PRDM5: variants seen among roughly 807,000 people sequenced by gnomAD.
PRDM5 encodes the protein PR domain zinc finger protein 5.
Under a neutral mutation model 81.2 loss-of-function variants are expected in PRDM5, and 56 were observed. The observed-to-expected ratio is 0.69, with a 90% CI of 0.56 to 0.86. The LOEUF (loss-of-function observed/expected upper bound fraction) is 0.86, where lower values mean the gene tolerates loss of function less well. Among genes scored for constraint, PRDM5 ranks in the 40% least tolerant of loss-of-function variants. The pLI is 0.00. For synonymous variants in PRDM5, 267 were observed against 256.4 expected, an observed-to-expected ratio of 1.04 and a Z score of -0.39; for missense variants, 697 against 770.1, an observed-to-expected ratio of 0.91 and a Z score of 1.12.
At chr4:120,814,873 A>G (rs1463861055) in intron 7 of PRDM5, among the ~76,000 whole-genome samples, 1 of 152,222 alleles carries the variant, frequency 6.6e-6, no homozygotes, top group Admixed American at 6.5e-5. Context: ...TACACTTTAT[A>G]TGGTCCACAA....
In PRDM5 at chr4:120,777,183, C is replaced by T. The variant is rs1305626808; in HGVS notation, c.1537+5G>A. Reference sequence around the variant, plus strand: ...TTTTCACTAGTCTAATTACAATCTCCATACCTGTGTGGCTCCGGATATGAA... The same window carrying T: ...TTTTCACTAGTCTAATTACAATCTCTATACCTGTGTGGCTCCGGATATGAA... On this transcript the variant is annotated splice_donor_5th_base_variant and intron_variant, in intron 13 of 15. Coordinates refer to ENST00000264808, the MANE Select transcript of PRDM5 (RefSeq NM_018699.4). 1 of 1,613,276 alleles carries T rather than the reference C, an allele frequency of 6.2e-7. No homozygotes were observed. The highest frequency in any genetic ancestry group is 8.5e-7 in the Non-Finnish European group (1 of 1,179,418).
chr4:120,769,261 G>T (rs1746881482), intron 13 of PRDM5, among the ~76,000 whole-genome samples: 1 of 152,144 alleles, frequency 6.6e-6, no homozygotes, highest in Admixed American at 6.5e-5. Context: ...TCAGTTATGG[G>T]CATGGCCCTA....
At chr4:120,769,204 T>C (rs1367654953) in intron 13 of PRDM5, among the ~76,000 whole-genome samples, 1 of 152,222 alleles carries the variant, frequency 6.6e-6, no homozygotes, top group African/African-American at 2.4e-5. Context: ...CATTCACAAG[T>C]TCTCTTTCTA....
intron 2 of PRDM5, among the ~76,000 whole-genome samples, chr4:120,901,959 G>C (rs1032043349): frequency 1.3e-5 from 2 of 152,208 alleles, no homozygotes; most frequent in Non-Finnish European, 2.9e-5. Flanking sequence ...AAAAAGAGGA[G>C]AGTGAGGCAG....
chr4:120,730,185 AG>A (rs1335468526), intron 14 of PRDM5, among the ~76,000 whole-genome samples: 2 of 152,160 alleles, frequency 1.3e-5, no homozygotes, highest in Admixed American at 1.3e-4. Context: ...AAGCTACTTA[AG>A]CTCTCTAAGC....
chr4:120,758,841 T>C (rs1745177102), intron 13 of PRDM5, among the ~76,000 whole-genome samples: 1 of 151,764 alleles, frequency 6.6e-6, no homozygotes, highest in Non-Finnish European at 1.5e-5. Context: ...CTGCAAGCCC[T>C]GCCTCCCGGG....
At chr4:120,881,986 T>A (rs1762892804) in intron 2 of PRDM5, among the ~76,000 whole-genome samples, 1 of 152,208 alleles carries the variant, frequency 6.6e-6, no homozygotes, top group African/African-American at 2.4e-5. Context: ...CCTGTTGAAA[T>A]CATATGAAAA....
intron 2 of PRDM5, among the ~76,000 whole-genome samples, chr4:120,906,363 G>A (rs949667879): frequency 6.6e-6 from 1 of 152,134 alleles, no homozygotes; most frequent in Non-Finnish European, 1.5e-5. Flanking sequence ...TTACCGTCCA[G>A]GAGCAATAGG....
chr4:120,726,825 G>A (rs1240061441), intron 14 of PRDM5, among the ~76,000 whole-genome samples: 1 of 152,158 alleles, frequency 6.6e-6, no homozygotes, highest in African/African-American at 2.4e-5. Context: ...TTTGAGCCTA[G>A]TATTGCAAGA....
At chr4:120,789,850 C>A (rs1750319713) in intron 10 of PRDM5, among the ~76,000 whole-genome samples, 1 of 152,124 alleles carries the variant, frequency 6.6e-6, no homozygotes, top group African/African-American at 2.4e-5. Flanking sequence ...AAGTTAAAAG[C>A]ATGAAATTTA....
intron 13 of PRDM5, among the ~76,000 whole-genome samples, chr4:120,773,086 G>GT (rs1747531885): frequency 6.6e-6 from 1 of 152,164 alleles, no homozygotes; most frequent in Non-Finnish European, 1.5e-5. Flanking sequence ...GAAAGCACTT[G>GT]TAACGCATGC....
chr4:120,730,783 C>A (rs544860589), intron 14 of PRDM5, among the ~76,000 whole-genome samples: 1 of 141,392 alleles, frequency 7.1e-6, no homozygotes, highest in Non-Finnish European at 1.5e-5. Flanking sequence ...AGCTTCAATG[C>A]TAAATATTTA....
intron 7 of PRDM5, chr4:120,812,887 T>C: frequency 4.9e-6 from 1 of 202,852 alleles, no homozygotes. Flanking sequence ...ACCAAATGTG[T>C]TTGTAAAAGA....
chr4:120,821,169 A>C lies in PRDM5; in HGVS notation c.475+2T>G. ...CCAGATCACCAATTAAAGATGCAAT[A>C]CCTTTTCTGCCCGCTGTTGATTGTC... On this transcript the variant is annotated splice_donor_variant, in intron 4 of 15. Transcript: ENST00000264808. LOFTEE classifies it high-confidence loss of function. 1 of 1,613,782 alleles carries C rather than the reference A, an allele frequency of 6.2e-7. No individual in the cohort carries two copies. The highest frequency in any genetic ancestry group is 8.5e-7 in the Non-Finnish European group (1 of 1,179,718).
chr4:120,765,446 A>G (rs2149191612), intron 13 of PRDM5, among the ~76,000 whole-genome samples: 1 of 152,306 alleles, frequency 6.6e-6, no homozygotes, highest in South Asian at 2.1e-4. Context: ...CAGTCCGTGG[A>G]TTCCCTTGCT....
intron 14 of PRDM5, among the ~76,000 whole-genome samples, chr4:120,714,460 TATC>T (rs1737461353): frequency 6.6e-6 from 1 of 152,174 alleles, no homozygotes; most frequent in South Asian, 2.1e-4. Flanking sequence ...TAATTTCTGT[TATC>T]ATATTTTTAA....
intron 14 of PRDM5, among the ~76,000 whole-genome samples, chr4:120,711,618 C>A (rs974816480): frequency 6.6e-6 from 1 of 151,948 alleles, no homozygotes; most frequent in African/African-American, 2.4e-5. Context: ...GTTTTCATTT[C>A]TATTACCTCA....
intron 5 of PRDM5, 112 bp downstream of exon 5, chr4:120,818,241 T>A (rs113565153): frequency 8.9e-7 from 1 of 1,125,826 alleles, no homozygotes; most frequent in African/African-American, 1.6e-5. Flanking sequence ...ACACAAAACA[T>A]GCGCGTGCGC....
At chr4:120,685,065 CTT>C (rs1476751427) in intron 1 of PRDM5, 3 of 151,942 alleles carry the variant, frequency 2.0e-5, no homozygotes, top group Middle Eastern at 3.5e-3. Flanking sequence ...TATGTAAACA[CTT>C]GAATTAATTT....
Sources: gnomAD v4.1 joint callset for allele counts (sites outside exome capture counted in the v4.1 genomes callset) on GRCh38, gnomAD v4.1.1 for gene constraint, MANE v1.5 for transcripts, NCBI Gene and HGNC (gene_info 2026-07-23, HGNC 2026-07-21) for gene names.